Variants in SGMS1 observed in about 807,000 individuals in gnomAD.
SGMS1 encodes the protein sphingomyelin synthase 1.
Under a neutral mutation model 46.2 loss-of-function variants are expected in SGMS1, and 13 were observed. The observed-to-expected ratio is 0.28, with a 90% CI of 0.18 to 0.45. SGMS1 has a LOEUF of 0.45. Among genes scored for constraint, SGMS1 ranks in the 20% least tolerant of loss-of-function variants. SGMS1 has a pLI of 1.00. For missense variants in SGMS1, 324 were observed against 519.9 expected, an observed-to-expected ratio of 0.62 and a Z score of 3.66; for synonymous variants, 203 against 187.8, an observed-to-expected ratio of 1.08 and a Z score of -0.66.
At chr10:50,518,986 AACAG>A (rs1837833872) in intron 3 of SGMS1, among the ~76,000 whole-genome samples, 1 of 152,318 alleles carries the variant, frequency 6.6e-6, no homozygotes, top group Non-Finnish European at 1.5e-5. Flanking sequence ...GAAGGGAGAC[AACAG>A]ATAAACTGTG....
At chr10:50,400,399 A>G (rs1382962253) in intron 6 of SGMS1, among the ~76,000 whole-genome samples, 4 of 376 alleles carry the variant, frequency 0.011, no homozygotes, top group Admixed American at 0.045. Context: ...ATCCTGGCAT[A>G]TATATATATA....
chr10:50,411,553 T>C (rs1849101569), intron 6 of SGMS1, among the ~76,000 whole-genome samples: 1 of 152,218 alleles, frequency 6.6e-6, no homozygotes, highest in Non-Finnish European at 1.5e-5. Flanking sequence ...TGCGTGGTAA[T>C]TTCTAGTCTC....
At chr10:50,545,203 A>G (rs1185706367) in intron 2 of SGMS1, among the ~76,000 whole-genome samples, 1 of 152,180 alleles carries the variant, frequency 6.6e-6, no homozygotes, top group Non-Finnish European at 1.5e-5. Flanking sequence ...CAGTGCCTTA[A>G]GGTTCCTAGT....
chr10:50,533,089 TGTAGA>T (rs1228300038), intron 2 of SGMS1, among the ~76,000 whole-genome samples: 9 of 152,318 alleles, frequency 5.9e-5, no homozygotes, highest in South Asian at 2.1e-4. Flanking sequence ...GCTGAGCTAA[TGTAGA>T]GTAAACATAG....
rs1250650188 is a variant in SGMS1 at position 50,574,960 on chromosome 10, G to GGTGTATATATATATATAT, written c.-589+15175_-589+15192dup. ...AATAAACATTTTAAAAGGAAAATGT[G>GGTGTATATATATATATAT]GTGTATATATATATATATATATATA... On this transcript the variant is annotated intron_variant, in intron 2 of 10. Transcript: ENST00000361781. Among the ~76,000 whole-genome samples the GGTGTATATATATATATAT allele has an allele frequency of 3.1e-3, 132 of 41,976 alleles. 1 individual carries two copies. The highest frequency in any genetic ancestry group is 5.8e-3 in the East Asian group (2 of 344). 27.5% of individuals were successfully genotyped at this position (41,976 alleles called of 152,430 possible).
chr10:50,421,143 T>C (rs180908785), intron 6 of SGMS1, among the ~76,000 whole-genome samples: 1 of 152,208 alleles, frequency 6.6e-6, no homozygotes, highest in African/African-American at 2.4e-5. Context: ...TCTCAACATA[T>C]AGTTATCAAA....
intron 3 of SGMS1, among the ~76,000 whole-genome samples, chr10:50,517,023 G>T (rs1837812634): frequency 6.6e-6 from 1 of 152,130 alleles, no homozygotes; most frequent in African/African-American, 2.4e-5. Context: ...GTTTCAGCAT[G>T]GTGGAGAAAG....
At chr10:50,375,143 A>T (rs1371613594) in intron 6 of SGMS1, among the ~76,000 whole-genome samples, 1 of 152,102 alleles carries the variant, frequency 6.6e-6, no homozygotes, top group African/African-American at 2.4e-5. Context: ...AAGTGGGATT[A>T]GGTAATTTCC....
chr10:50,441,981 C>T (rs1468781537), intron 5 of SGMS1, among the ~76,000 whole-genome samples: 1 of 152,184 alleles, frequency 6.6e-6, no homozygotes, highest in African/African-American at 2.4e-5. Flanking sequence ...TCTTTCCTAT[C>T]ACCCTCCAAA....
At chr10:50,572,910 T>C (rs1838348339) in intron 2 of SGMS1, among the ~76,000 whole-genome samples, 1 of 152,190 alleles carries the variant, frequency 6.6e-6, no homozygotes, top group Non-Finnish European at 1.5e-5. Flanking sequence ...AGCTTTCCTC[T>C]CAGAACTTTC....
chr10:50,569,078 C>T (rs1440440526), intron 2 of SGMS1, among the ~76,000 whole-genome samples: 3 of 151,086 alleles, frequency 2.0e-5, no homozygotes, highest in Non-Finnish European at 2.9e-5. Context: ...TATTCTCACT[C>T]ATTCATAAGT....
chr10:50,472,456 C>A (rs527917110), intron 3 of SGMS1, among the ~76,000 whole-genome samples: 1 of 152,194 alleles, frequency 6.6e-6, no homozygotes, highest in South Asian at 2.1e-4. Context: ...ACATAATGTC[C>A]TCCAGGTTCA....
At chr10:50,483,960 A>G (rs908298959) in intron 3 of SGMS1, among the ~76,000 whole-genome samples, 2 of 152,204 alleles carry the variant, frequency 1.3e-5, no homozygotes, top group African/African-American at 2.4e-5. Context: ...CCAAATTGAC[A>G]TGCTAACATC....
Position 50,482,853 on chromosome 10 carries a change from G to A in SGMS1, c.-497-15921C>T, listed in dbSNP as rs370710461. 3.9e-5 allele frequency among the ~76,000 whole-genome samples: 6 copies of A among 152,238 alleles called. No individual in the cohort carries two copies. In the South Asian group the frequency reaches 1.0e-3, roughly 26 times the overall value. ...GATACACATAGGCTCAAAATAAAGG[G>A]ATGAAGGAAAATTTACCAAGCAAAT... On this transcript the variant is annotated intron_variant, in intron 3 of 10. Transcript: ENST00000361781.
chr10:50,453,172 C>A (rs894090451), intron 5 of SGMS1, among the ~76,000 whole-genome samples: 1 of 151,742 alleles, frequency 6.6e-6, no homozygotes, highest in Non-Finnish European at 1.5e-5. Flanking sequence ...GAAAATATTT[C>A]GAATACTAGA....
At chr10:50,556,405 C>T (rs1838189596) in intron 2 of SGMS1, among the ~76,000 whole-genome samples, 1 of 152,120 alleles carries the variant, frequency 6.6e-6, no homozygotes, top group Non-Finnish European at 1.5e-5. Context: ...GTTATTTTGT[C>T]TAGAGTGGTC....
chr10:50,504,996 G>C (rs761347842), intron 3 of SGMS1, among the ~76,000 whole-genome samples: 1 of 152,128 alleles, frequency 6.6e-6, no homozygotes, highest in African/African-American at 2.4e-5. Context: ...AAGGCAGGAG[G>C]CCAGGAATTC....
At chr10:50,570,897 C>A (rs1218605400) in intron 2 of SGMS1, among the ~76,000 whole-genome samples, 1 of 144,948 alleles carries the variant, frequency 6.9e-6, no homozygotes, top group Non-Finnish European at 1.5e-5. Context: ...ATGATCACAC[C>A]ACTGCACTCC....
intron 1 of SGMS1, among the ~76,000 whole-genome samples, chr10:50,595,412 A>G (rs903330661): frequency 6.6e-6 from 1 of 152,118 alleles, no homozygotes; most frequent in African/African-American, 2.4e-5. Flanking sequence ...TCCTAACCTT[A>G]GGTAATCCAC....
Sources: allele counts gnomAD v4.1 joint callset (sites outside exome capture counted in the v4.1 genomes callset), GRCh38; gene constraint gnomAD v4.1.1; transcripts MANE v1.5; gene names NCBI Gene and HGNC (gene_info 2026-07-23, HGNC 2026-07-21).